Variants in FAT3 observed in about 807,000 individuals in gnomAD.
FAT3 encodes protocadherin Fat 3.
A neutral mutation model predicts 310.2 loss-of-function variants in FAT3; 95 were observed. That is an observed-to-expected ratio of 0.31 (90% confidence interval 0.26 to 0.36). The LOEUF is 0.36. Ranked by LOEUF, FAT3 falls within the 10% of genes least tolerant of loss-of-function variation. FAT3 has a pLI of 1.00. For synonymous variants in FAT3, 2,314 were observed against 2,192.9 expected (o/e 1.06, Z -1.54); for missense variants, 5,408 against 5,715.6 (o/e 0.95, Z 1.74).
chr11:92,567,589 A>C (rs1618734), intron 3 of FAT3, among the ~76,000 whole-genome samples: 1 of 151,022 alleles, frequency 6.6e-6, no homozygotes, highest in Non-Finnish European at 1.5e-5. Context: ...ATGCACACGT[A>C]TGTTTATTGC....
rs1241823663 is a variant in FAT3 at position 92,883,300 on chromosome 11, G to T, written c.12844G>T (p.Val4282Leu). ...CCTGACAGCCCGGCGGGGCGTGGTCGTGTGCAGTGTGGCCCCCAACCTCCC... is the reference window on the plus strand; with the variant it reads ...CCTGACAGCCCGGCGGGGCGTGGTCTTGTGCAGTGTGGCCCCCAACCTCCC... ...RILTARRGVV[V>L]CSVAPNLPAV... is the part of the protein sequence containing the mutation. The change falls in exon 24 of 28, where the codon GTG (valine) becomes TTG (leucine). Residue 4282 changes from valine (V) to leucine (L), a missense_variant. By Grantham distance (32) the Val-to-Leu change is conservative. This residue lies in a region of FAT3 where 649 missense variants were observed against 666.2 expected (regional missense o/e 0.97). Transcript: ENST00000525166. This position sits in a 1 kb window ranked among gnomAD's most constrained non-coding sequence, Gnocchi z 4.2. 6.2e-7 allele frequency: 1 copy of T among 1,612,510 alleles called. No individual in the cohort carries two copies.
chr11:92,362,412 G>T (rs1224486289), intron 2 of FAT3, among the ~76,000 whole-genome samples: 5 of 152,098 alleles, frequency 3.3e-5, no homozygotes, highest in Non-Finnish European at 7.4e-5. Flanking sequence ...TCTTCTTTCT[G>T]CTCTGTGCCC....
At chr11:92,881,406 G>A (rs1300480789) in intron 23 of FAT3, among the ~76,000 whole-genome samples, 3 of 152,122 alleles carry the variant, frequency 2.0e-5, no homozygotes, top group African/African-American at 4.8e-5. Context: ...ATCCTTGATC[G>A]TTTTAGAAGT....
intron 3 of FAT3, among the ~76,000 whole-genome samples, chr11:92,537,947 A>G (rs1216620322): frequency 6.6e-6 from 1 of 152,046 alleles, no homozygotes; most frequent in African/African-American, 2.4e-5. Context: ...TATCAGGGAA[A>G]GATATTTATC....
intron 1 of FAT3, among the ~76,000 whole-genome samples, chr11:92,347,204 G>C (rs1948443326): frequency 6.6e-6 from 1 of 152,096 alleles, no homozygotes; most frequent in Non-Finnish European, 1.5e-5. Flanking sequence ...TGCATGCTCT[G>C]CCTTTGTGTT....
At chr11:92,446,222 T>C (rs1230841906) in intron 2 of FAT3, among the ~76,000 whole-genome samples, 1 of 152,198 alleles carries the variant, frequency 6.6e-6, no homozygotes, top group African/African-American at 2.4e-5. Flanking sequence ...TACTATGTGC[T>C]TACATGCACA....
At chr11:92,311,442 G>A (rs58656603) in intron 1 of FAT3, among the ~76,000 whole-genome samples, 4,044 of 152,178 alleles carry the variant, frequency 0.027, 193 homozygotes, top group African/African-American at 0.092. Flanking sequence ...TGTCTCATGA[G>A]CCATAAATGA....
intron 4 of FAT3, among the ~76,000 whole-genome samples, chr11:92,711,552 C>G (rs537248808): frequency 1.3e-5 from 2 of 152,246 alleles, no homozygotes; most frequent in African/African-American, 4.8e-5. Context: ...TGTAATTTGG[C>G]AGATTATTTC....
chr11:92,638,396 G>A (rs1433526677), intron 3 of FAT3, among the ~76,000 whole-genome samples: 1 of 152,162 alleles, frequency 6.6e-6, no homozygotes, highest in Non-Finnish European at 1.5e-5. Context: ...CCTTAGCTAA[G>A]ATCTCCAGTG....
intron 3 of FAT3, among the ~76,000 whole-genome samples, chr11:92,648,169 G>A (rs190617999): frequency 1.7e-3 from 256 of 152,252 alleles, no homozygotes; most frequent in African/African-American, 5.8e-3. Context: ...GGGTAGGGAA[G>A]ATGGCAGAGT....
chr11:92,671,758 G>A (rs757899195), intron 3 of FAT3, among the ~76,000 whole-genome samples: 16 of 152,064 alleles, frequency 1.1e-4, no homozygotes, highest in Non-Finnish European at 1.6e-4. Flanking sequence ...TTACATTTGA[G>A]TAAGGTGCTT....
At chr11:92,527,346 C>T (rs1360440688) in intron 3 of FAT3, among the ~76,000 whole-genome samples, 1 of 152,160 alleles carries the variant, frequency 6.6e-6, no homozygotes, top group Non-Finnish European at 1.5e-5. Flanking sequence ...ATATAGGAGT[C>T]CTCACCAGAA....
chr11:92,442,102 TATA>T (rs1208975399), intron 2 of FAT3, among the ~76,000 whole-genome samples: 21,131 of 49,660 alleles, frequency 0.43, 6,788 homozygotes, highest in Non-Finnish European at 0.56. Flanking sequence ...TATATATATA[TATA>T]TATATATTTT....
intron 8 of FAT3, among the ~76,000 whole-genome samples, chr11:92,791,728 A>G (rs1217649005): frequency 6.6e-6 from 1 of 152,134 alleles, no homozygotes; most frequent in East Asian, 1.9e-4. Flanking sequence ...CTCTGCAGGT[A>G]TGGAGTTTAA....
Position 92,699,199 on chromosome 11 carries a change from T to C in FAT3, c.3669+1754T>C, listed in dbSNP as rs952599701. Among the ~76,000 whole-genome samples, 7 of 152,228 alleles carry C rather than the reference T, an allele frequency of 4.6e-5. No individual in the cohort carries two copies. The South Asian group carries it at 8.3e-4, about 18-fold the overall frequency. The stretch of plus-strand genomic sequence containing the variant: ...TGAGTCTCCACTTATCCAAAATGCT[T>C]GGGAAGGGGTGGGAAGTATGAAGAG... On this transcript the variant is annotated intron_variant, in intron 4 of 27. Transcript: ENST00000525166.
chr11:92,542,056 T>C (rs946379176), intron 3 of FAT3, among the ~76,000 whole-genome samples: 1 of 151,972 alleles, frequency 6.6e-6, no homozygotes, highest in Admixed American at 6.6e-5. Context: ...AACTAAAATT[T>C]CAACGAAAAT....
chr11:92,502,790 C>T (rs907163270), intron 2 of FAT3, among the ~76,000 whole-genome samples: 8 of 151,986 alleles, frequency 5.3e-5, no homozygotes, highest in African/African-American at 1.9e-4. Context: ...CATAGATGGG[C>T]ATTTGTATTT....
At chr11:92,636,552 TA>T (rs1314007181) in intron 3 of FAT3, among the ~76,000 whole-genome samples, 4 of 152,154 alleles carry the variant, frequency 2.6e-5, no homozygotes, top group Admixed American at 6.5e-5. Context: ...TAGTAGCTCT[TA>T]AAAAAACATT....
At chr11:92,491,938 C>G (rs1443706279) in intron 2 of FAT3, among the ~76,000 whole-genome samples, 2 of 152,062 alleles carry the variant, frequency 1.3e-5, no homozygotes, top group African/African-American at 4.8e-5. Context: ...AATACTTCCT[C>G]ACTAGCTTTT....
Sources: allele counts gnomAD v4.1 joint callset (sites outside exome capture counted in the v4.1 genomes callset), GRCh38; gene constraint gnomAD v4.1.1; regional missense constraint gnomAD v4.1.1; non-coding constraint Gnocchi (gnomAD v3.1); transcripts MANE v1.5; gene names NCBI Gene and HGNC (gene_info 2026-07-23, HGNC 2026-07-21).